The following CYP2C19 variants were observed in gnomAD, a reference collection of about 807,000 sequenced individuals.
CYP2C19 encodes the protein cytochrome P450 family 2 subfamily C member 19, also known as cytochrome P450 2C19.
CYP2C19 carries 59 observed loss-of-function variants against 40.9 expected under a neutral mutation model. The observed-to-expected ratio is 1.44, with a 90% CI of 1.17 to 1.79. CYP2C19 has a LOEUF of 1.79. CYP2C19 is among the 40% of genes most tolerant of loss of function. The probability of loss-of-function intolerance (pLI) is 0.00; values close to 1 mark genes in which losing one functional copy is unlikely to be tolerated. For synonymous variants in CYP2C19, 253 were observed against 208.7 expected, an observed-to-expected ratio of 1.21 and a Z score of -1.83; for missense variants, 754 against 596.9, an observed-to-expected ratio of 1.26 and a Z score of -2.74.
intron 5 of CYP2C19, among the ~76,000 whole-genome samples, chr10:94,808,067 G>A (rs1848860049): frequency 6.6e-6 from 1 of 151,902 alleles, no homozygotes; most frequent in Non-Finnish European, 1.5e-5. Context: ...TAAAAATCTT[G>A]TTTCATTTTT....
intron 3 of CYP2C19, among the ~76,000 whole-genome samples, chr10:94,780,212 T>TA (rs892963546): frequency 6.6e-6 from 1 of 151,606 alleles, no homozygotes; most frequent in Non-Finnish European, 1.5e-5. Flanking sequence ...ATTTGGTTTC[T>TA]AAAAAAGTCT....
intron 5 of CYP2C19, among the ~76,000 whole-genome samples, chr10:94,782,455 A>G (rs1848492095): frequency 6.6e-6 from 1 of 152,108 alleles, no homozygotes; most frequent in Admixed American, 6.6e-5. Flanking sequence ...AAAAGTCAGG[A>G]TATAACAGAT....
chr10:94,781,838 C>A lies in CYP2C19; in HGVS notation c.660C>A (p.Pro220=), dbSNP rs566311971. 3.5e-6 allele frequency: 5 copies of A among 1,440,900 alleles called. No homozygotes were observed. The Admixed American group carries it at 1.4e-4, about 42-fold the overall frequency. The allele number at this position is 1,440,900 out of a possible 1,614,324, so 89.3% of individuals were successfully genotyped here. A position where few individuals can be genotyped will look rare whatever the true frequency, so the allele number is the denominator to read the frequency against. ...TCTCTTAGATATGCAATAATTTTCC[C>A]ACTATCATTGATTATTTCCCGGGAA... ...TPWIQICNNF[P]TIIDYFPGTH... The change falls in exon 5 of 9, where the codon CCC becomes CCA. Residue 220 remains proline (P), a synonymous_variant. Coordinates refer to ENST00000371321, the MANE Select transcript of CYP2C19 (RefSeq NM_000769.4).
chr10:94,764,614 G>C (rs771277456), intron 1 of CYP2C19, among the ~76,000 whole-genome samples: 1 of 152,114 alleles, frequency 6.6e-6, no homozygotes, highest in Non-Finnish European at 1.5e-5. Flanking sequence ...GGTGAAGAAG[G>C]GGTCCTGCAG....
At chr10:94,771,923 G>A (rs1848339042) in intron 1 of CYP2C19, among the ~76,000 whole-genome samples, 1 of 152,150 alleles carries the variant, frequency 6.6e-6, no homozygotes, top group Non-Finnish European at 1.5e-5. Flanking sequence ...CCTTACCAAT[G>A]CATTCTTGAA....
intron 5 of CYP2C19, among the ~76,000 whole-genome samples, chr10:94,799,906 CT>C (rs34983326): frequency 6.6e-6 from 1 of 152,000 alleles, no homozygotes; most frequent in South Asian, 2.1e-4. Context: ...TTCATCTAAC[CT>C]TTTTTTCAAG....
chr10:94,813,567 CT>C (rs1032061338), intron 5 of CYP2C19, among the ~76,000 whole-genome samples: 4 of 151,938 alleles, frequency 2.6e-5, no homozygotes, highest in African/African-American at 9.7e-5. Flanking sequence ...TTCCTGGAGG[CT>C]TTGTTTACAC....
At chr10:94,769,524 G>T (rs1241601771) in intron 1 of CYP2C19, among the ~76,000 whole-genome samples, 1 of 152,108 alleles carries the variant, frequency 6.6e-6, no homozygotes, top group Non-Finnish European at 1.5e-5. Context: ...TTAGGGGTTG[G>T]GTACAACTGG....
chr10:94,808,481 T>C (rs1300075361), intron 5 of CYP2C19, among the ~76,000 whole-genome samples: 3 of 152,198 alleles, frequency 2.0e-5, no homozygotes, highest in African/African-American at 7.2e-5. Context: ...GATTGACTAA[T>C]TATTGACTAT....
intron 1 of CYP2C19, among the ~76,000 whole-genome samples, chr10:94,766,928 T>C (rs928659110): frequency 6.6e-6 from 1 of 152,070 alleles, no homozygotes; most frequent in Non-Finnish European, 1.5e-5. Context: ...AGGGGAGAGA[T>C]TTGATCAACA....
chr10:94,773,641 G>A (rs1848365378), intron 1 of CYP2C19, among the ~76,000 whole-genome samples: 1 of 152,114 alleles, frequency 6.6e-6, no homozygotes, highest in Admixed American at 6.5e-5. Context: ...TGCAGTGAGT[G>A]TTACAGCTCT....
chr10:94,773,051 G>A (rs1243488996), intron 1 of CYP2C19, among the ~76,000 whole-genome samples: 2 of 152,198 alleles, frequency 1.3e-5, no homozygotes, highest in African/African-American at 4.8e-5. Flanking sequence ...AAAGTGCTGG[G>A]ATTACAGGCG....
At chr10:94,766,649 G>A (rs1176417512) in intron 1 of CYP2C19, among the ~76,000 whole-genome samples, 1 of 152,042 alleles carries the variant, frequency 6.6e-6, no homozygotes, top group Non-Finnish European at 1.5e-5. Flanking sequence ...TTTTCTTCAG[G>A]ATCGGTGGTA....
At chr10:94,802,282 TC>T (rs1848777446) in intron 5 of CYP2C19, among the ~76,000 whole-genome samples, 1 of 152,166 alleles carries the variant, frequency 6.6e-6, no homozygotes, top group African/African-American at 2.4e-5. Context: ...GTTTTCCAAG[TC>T]CCCACCCAAC....
intron 5 of CYP2C19, among the ~76,000 whole-genome samples, chr10:94,812,737 G>A (rs1848945288): frequency 6.6e-6 from 1 of 151,524 alleles, no homozygotes; most frequent in Non-Finnish European, 1.5e-5. Flanking sequence ...GGTCACTCAT[G>A]TTCTTCTCTA....
At chr10:94,845,070 C>T (rs1849552195) in intron 7 of CYP2C19, among the ~76,000 whole-genome samples, 1 of 152,158 alleles carries the variant, frequency 6.6e-6, no homozygotes, top group Admixed American at 6.6e-5. Flanking sequence ...TAGAAAAGTG[C>T]AGCACTGCGT....
intron 5 of CYP2C19, among the ~76,000 whole-genome samples, chr10:94,815,234 T>C (rs1848982991): frequency 6.6e-6 from 1 of 151,898 alleles, no homozygotes; most frequent in South Asian, 2.1e-4. Context: ...TGTGTGAAGC[T>C]GATGTTACCA....
In CYP2C19 at chr10:94,770,973, A is replaced by T. The variant is rs1429216767; in HGVS notation, c.169-4085A>T. 2.0e-5 allele frequency among the ~76,000 whole-genome samples: 3 copies of T among 152,214 alleles called. No homozygotes were observed. The South Asian group carries it at 6.2e-4, about 32-fold the overall frequency. On this transcript the variant is annotated intron_variant, in intron 1 of 8. Coordinates refer to ENST00000371321, the MANE Select transcript of CYP2C19 (RefSeq NM_000769.4). ...AGGTCTCTCCAAACTCTCAGGCTGCAGCTAAAGCCACATTCTTTTCATTAA... is the reference window on the plus strand; with the variant it reads ...AGGTCTCTCCAAACTCTCAGGCTGCTGCTAAAGCCACATTCTTTTCATTAA...
At chr10:94,842,269 C>T (rs966656290) in intron 6 of CYP2C19, among the ~76,000 whole-genome samples, 5 of 151,922 alleles carry the variant, frequency 3.3e-5, no homozygotes, top group African/African-American at 7.3e-5. Flanking sequence ...TTACAGTTTT[C>T]GTCTTGAAAT....
Sources: allele counts gnomAD v4.1 joint callset (sites outside exome capture counted in the v4.1 genomes callset), GRCh38; gene constraint gnomAD v4.1.1; transcripts MANE v1.5; gene names NCBI Gene and HGNC (gene_info 2026-07-23, HGNC 2026-07-21).